Variants in CYB5A observed in about 807,000 individuals in gnomAD.
The protein encoded by CYB5A is cytochrome b5 type A.
A neutral mutation model predicts 16.2 loss-of-function variants in CYB5A; 10 were observed. That is an observed-to-expected ratio of 0.62 (90% CI 0.38 to 1.04). The LOEUF is 1.04. Ranked by LOEUF, CYB5A falls within the 50% of genes least tolerant of loss-of-function variation. The probability of loss-of-function intolerance (pLI) is 0.01; values close to 1 mark genes in which losing one functional copy is unlikely to be tolerated. For missense variants in CYB5A, 161 were observed against 165.9 expected, an observed-to-expected ratio of 0.97 and a Z score of 0.16; for synonymous variants, 62 against 57.0, an observed-to-expected ratio of 1.09 and a Z score of -0.40.
chr18:74,267,979 G>C (rs1350125699), intron 1 of CYB5A, among the ~76,000 whole-genome samples: 2 of 152,214 alleles, frequency 1.3e-5, no homozygotes, highest in Non-Finnish European at 2.9e-5. Flanking sequence ...ATGCAAAGCT[G>C]TTTCCACGTG....
At chr18:74,284,233 C>CAAA (rs1308439463) in intron 1 of CYB5A, among the ~76,000 whole-genome samples, 1 of 73,080 alleles carries the variant, frequency 1.4e-5, no homozygotes, top group South Asian at 5.5e-4. Context: ...ACTCCATCTC[C>CAAA]AAAAAAAAAA....
intron 1 of CYB5A, among the ~76,000 whole-genome samples, chr18:74,267,447 C>G (rs1459508361): frequency 6.6e-6 from 1 of 152,144 alleles, no homozygotes; most frequent in Non-Finnish European, 1.5e-5. Context: ...GTGAGCCACA[C>G]ATTTGGAGAC....
At chr18:74,287,700 C>G (rs941402340) in intron 1 of CYB5A, among the ~76,000 whole-genome samples, 1 of 152,168 alleles carries the variant, frequency 6.6e-6, no homozygotes, top group Non-Finnish European at 1.5e-5. Context: ...AAAAGACATT[C>G]TGCTTTATAA....
chr18:74,258,249 C>T (rs1982066023), intron 3 of CYB5A: 1 of 152,164 alleles, frequency 6.6e-6, no homozygotes. Flanking sequence ...CTGCAATGTA[C>T]CTACCTCCCT....
At chr18:74,275,418 G>A (rs879285852) in intron 1 of CYB5A, among the ~76,000 whole-genome samples, 2 of 152,080 alleles carry the variant, frequency 1.3e-5, no homozygotes, top group Non-Finnish European at 2.9e-5. Flanking sequence ...TTGAGATACC[G>A]CCTCCGAGCA....
chr18:74,276,559 CACA>C (rs1982886111), intron 1 of CYB5A, among the ~76,000 whole-genome samples: 5 of 151,476 alleles, frequency 3.3e-5, no homozygotes, highest in Admixed American at 3.3e-4. Flanking sequence ...CACACACACA[CACA>C]CCCTTCTGTC....
chr18:74,279,946 T>C (rs1983027915), intron 1 of CYB5A, among the ~76,000 whole-genome samples: 1 of 152,228 alleles, frequency 6.6e-6, no homozygotes, highest in Non-Finnish European at 1.5e-5. Flanking sequence ...TCACAGAGCA[T>C]ACATTTCTAG....
At chr18:74,269,237 A>C (rs1232917691) in intron 1 of CYB5A, among the ~76,000 whole-genome samples, 1 of 151,118 alleles carries the variant, frequency 6.6e-6, no homozygotes, top group Non-Finnish European at 1.5e-5. Flanking sequence ...TCGCAGCAGA[A>C]TTTTGCACAG....
In CYB5A at chr18:74,255,758, A is replaced by C; in HGVS notation, c.306T>G (p.Thr102=). 1 of 1,612,472 alleles carries C rather than the reference A, an allele frequency of 6.2e-7. No homozygotes were observed. The highest frequency in any genetic ancestry group is 8.5e-7 in the Non-Finnish European group (1 of 1,178,468). ...CCACATACCTGGAACTAGAATCAAT[A>C]GTAGTGATAAGAGTTTCCTGAAACA... ...LNKPPETLIT[T]IDSSSSWWTN... Residue 102 remains threonine, a synonymous_variant, in exon 4 of 5, where the codon ACT becomes ACG. Coordinates refer to ENST00000340533, the MANE Select transcript of CYB5A (RefSeq NM_148923.4).
rs754429914 is a variant in CYB5A at position 74,263,480 on chromosome 18, G to A, written c.130-3C>T. On this transcript the variant is annotated splice_region_variant and splice_polypyrimidine_tract_variant and intron_variant, in intron 1 of 4. Coordinates refer to ENST00000340533, the MANE Select transcript of CYB5A (RefSeq NM_148923.4). ...AAAACTTCTTCCCCACCAGGATGCT[G>A]TTCAAAGGAGAGGTAGAATAAAAAT... 1 of 1,613,974 alleles carries A rather than the reference G, an allele frequency of 6.2e-7. No homozygotes were observed. Among genetic ancestry groups the A allele is most frequent in the South Asian group, 1.1e-5 (1 of 91,074 alleles).
At chr18:74,287,462 G>T (rs1314194877) in intron 1 of CYB5A, among the ~76,000 whole-genome samples, 1 of 152,096 alleles carries the variant, frequency 6.6e-6, no homozygotes, top group African/African-American at 2.4e-5. Flanking sequence ...ATGTTCAATG[G>T]AAAATAACAA....
At chr18:74,264,594 G>A (rs1188786994) in intron 1 of CYB5A, among the ~76,000 whole-genome samples, 4 of 152,134 alleles carry the variant, frequency 2.6e-5, no homozygotes. Context: ...CTCACTTTCT[G>A]GTAGGTAAAA....
At chr18:74,256,773 GAA>G (rs1982000214) in intron 3 of CYB5A, 1 of 1,547,382 alleles carries the variant, frequency 6.5e-7, no homozygotes, top group Non-Finnish European at 8.9e-7. Context: ...AAACTCCCGT[GAA>G]AAGACAGACC....
intron 3 of CYB5A, chr18:74,256,163 T>C (rs1981971710): frequency 5.4e-6 from 1 of 183,748 alleles, no homozygotes; most frequent in African/African-American, 2.4e-5. Context: ...ATGAACACAA[T>C]GTTCAATAAA....
chr18:74,291,265 T>C (rs565841299), intron 1 of CYB5A, among the ~76,000 whole-genome samples: 1 of 152,340 alleles, frequency 6.6e-6, no homozygotes, highest in South Asian at 2.1e-4. Flanking sequence ...AGGGATCATT[T>C]AAATCCCCCG....
At position 74,252,005 on chromosome 18, in the gene CYB5A, C is replaced by A. The variant is rs554769852; in HGVS notation, c.*1579G>T. 3.3e-5 allele frequency: 5 copies of A among 152,306 alleles called. No individual in the cohort carries two copies. The South Asian group carries it at 1.0e-3, about 32-fold the overall frequency. The allele number at this position is 152,306 out of a possible 1,614,324, so 9.4% of individuals were successfully genotyped here. Reference sequence around the variant, plus strand: ...TTTTAAAAACTACTAAAATGTGAAGCTTTATAGCTAAAAATCACAACCAAA... The same window carrying A: ...TTTTAAAAACTACTAAAATGTGAAGATTTATAGCTAAAAATCACAACCAAA... On this transcript the variant is annotated 3_prime_UTR_variant, in exon 5 of 5. Coordinates refer to ENST00000340533, the MANE Select transcript of CYB5A (RefSeq NM_148923.4).
At chr18:74,260,084 T>C (rs1000946666) in intron 3 of CYB5A, 2 of 152,324 alleles carry the variant, frequency 1.3e-5, no homozygotes, top group Admixed American at 6.5e-5. Context: ...AGATGATGTC[T>C]TGGCAGCAAC....
rs1443326582 is a variant in CYB5A at position 74,253,243 on chromosome 18, C to T, written c.*341G>A. ...CACATTGAAGGAATCCTCTAAATAA[C>T]CAGATTCTAAACATTAAAGACAATT... is the stretch of plus-strand genomic sequence containing the variant. On this transcript the variant is annotated 3_prime_UTR_variant, in exon 5 of 5. Coordinates refer to ENST00000340533, the MANE Select transcript of CYB5A (RefSeq NM_148923.4). The T allele has an allele frequency of 1.2e-5, 4 of 324,678 alleles. No homozygotes were observed. The allele number at this position is 324,678 out of a possible 1,614,324, so 20.1% of individuals were successfully genotyped here.
At chr18:74,256,509 T>A (rs898080098) in intron 3 of CYB5A, 2 of 378,404 alleles carry the variant, frequency 5.3e-6, no homozygotes. Flanking sequence ...ACAATGGTTC[T>A]GGAAAAACGC....
Sources: gnomAD v4.1 joint callset for allele counts (sites outside exome capture counted in the v4.1 genomes callset) on GRCh38, gnomAD v4.1.1 for gene constraint, MANE v1.5 for transcripts, NCBI Gene and HGNC (gene_info 2026-07-23, HGNC 2026-07-21) for gene names.